Variants in SNX1 observed in about 807,000 individuals in gnomAD.
The protein encoded by SNX1 is sorting nexin 1.
Under a neutral mutation model 71.8 loss-of-function variants are expected in SNX1, and 36 were observed. That is an observed-to-expected ratio of 0.50 (90% CI 0.38 to 0.66). SNX1 has a LOEUF of 0.66. Among genes scored for constraint, SNX1 ranks in the 30% least tolerant of loss-of-function variants. The pLI is 0.00. For synonymous variants in SNX1, 254 were observed against 240.7 expected (o/e 1.06, Z -0.51); for missense variants, 612 against 646.7 (o/e 0.95, Z 0.58).
At position 64,126,239 on chromosome 15, in the gene SNX1, A is replaced by T. The variant is rs2081251095; in HGVS notation, c.652+19A>T. On this transcript the variant is annotated intron_variant, in intron 6 of 14. Coordinates refer to ENST00000559844, the MANE Select transcript of SNX1 (RefSeq NM_003099.5). ...CTCATAGGTAAGCCTGTGGTCTTTCATTCCACTTGGATTGTTTTCCTTTGC... is the reference window on the plus strand; with the variant it reads ...CTCATAGGTAAGCCTGTGGTCTTTCTTTCCACTTGGATTGTTTTCCTTTGC... 6.2e-7 allele frequency: 1 copy of T among 1,607,642 alleles called. No individual in the cohort carries two copies. Among genetic ancestry groups the T allele is most frequent in the Admixed American group, 1.7e-5 (1 of 57,552 alleles).
At chr15:64,130,184 C>G (rs558985179) in intron 9 of SNX1, 44 bp from the exon 10 acceptor site, 2 of 1,549,550 alleles carry the variant, frequency 1.3e-6, no homozygotes, top group South Asian at 2.2e-5. Flanking sequence ...TGTACTGCAC[C>G]CATAAAAGTA....
Position 64,137,508 on chromosome 15 carries a change from G to C in SNX1, c.1519-60G>C, listed in dbSNP as rs533021730. Reference sequence around the variant, plus strand: ...GGGTACTGTGCTTGATTCCTCCCAGGCTGGCTTAGGCTCTGCCACTAGGTG... The same window carrying C: ...GGGTACTGTGCTTGATTCCTCCCAGCCTGGCTTAGGCTCTGCCACTAGGTG... On this transcript the variant is annotated intron_variant, in intron 14 of 14. Coordinates refer to ENST00000559844, the MANE Select transcript of SNX1 (RefSeq NM_003099.5). 6.4e-5 allele frequency: 103 copies of C among 1,602,264 alleles called. 2 individuals are homozygous for C. The Middle Eastern group carries it at 8.9e-3, about 139-fold the overall frequency.
At chr15:64,136,188 C>G (rs2081357635) in intron 12 of SNX1, 142 bp from the exon 13 acceptor site, 1 of 672,150 alleles carries the variant, frequency 1.5e-6, no homozygotes, top group Admixed American at 2.3e-5. Context: ...GTGGAATCCT[C>G]TGTGACACCT....
Position 64,099,849 on chromosome 15 carries a change from T to G in SNX1, c.159+3677T>G, listed in dbSNP as rs538427224. On this transcript the variant is annotated intron_variant, in intron 1 of 14. Transcript: ENST00000559844. Reference sequence around the variant, plus strand: ...GCCTCAACCTCCTGAGTAGCTGGGATTACAGGCACGTACTAGCGTGCCTGG... The same window carrying G: ...GCCTCAACCTCCTGAGTAGCTGGGAGTACAGGCACGTACTAGCGTGCCTGG... Among the ~76,000 whole-genome samples, 640 of 152,278 alleles carry G rather than the reference T, an allele frequency of 4.2e-3. 3 individuals are homozygous for G. The highest frequency in any genetic ancestry group is 5.1e-3 in the Non-Finnish European group (346 of 68,016).
rs753671221 is a variant in SNX1, at chr15:64,098,474, A to G, written c.159+2302A>G. 2.6e-5 allele frequency among the ~76,000 whole-genome samples: 4 copies of G among 152,344 alleles called. No individual in the cohort carries two copies. The South Asian group carries it at 6.2e-4, about 24-fold the overall frequency. Reference sequence around the variant, plus strand: ...TTTGGGAGGCCAAGGCAAGAGGATCACTTGAGGCCAGGAATCGAGACCAGG... The same window carrying G: ...TTTGGGAGGCCAAGGCAAGAGGATCGCTTGAGGCCAGGAATCGAGACCAGG... On this transcript the variant is annotated intron_variant, in intron 1 of 14. Transcript: ENST00000559844.
chr15:64,124,655 T>C (rs1595996017), intron 5 of SNX1, among the ~76,000 whole-genome samples: 1 of 152,344 alleles, frequency 6.6e-6, no homozygotes, highest in South Asian at 2.1e-4. Context: ...CATTTTCTGC[T>C]GTCAACATGT....
At chr15:64,101,253 ACT>A (rs1436727787) in intron 1 of SNX1, among the ~76,000 whole-genome samples, 1 of 152,180 alleles carries the variant, frequency 6.6e-6, no homozygotes, top group African/African-American at 2.4e-5. Flanking sequence ...CAAATCTGAA[ACT>A]CTGTACTTAT....
chr15:64,109,085 C>A (rs1397191594), intron 1 of SNX1, among the ~76,000 whole-genome samples: 1 of 149,748 alleles, frequency 6.7e-6, no homozygotes, highest in African/African-American at 2.5e-5. Context: ...AAAATGCAGA[C>A]CTAGGGTAGG....
chr15:64,135,985 A>G (rs2081355357), intron 12 of SNX1, among the ~76,000 whole-genome samples: 1 of 152,108 alleles, frequency 6.6e-6, no homozygotes, highest in Admixed American at 6.5e-5. Flanking sequence ...TAGCTGATTC[A>G]GATATGCCTT....
Position 64,134,339 on chromosome 15 carries a change from T to C in SNX1, c.1222-325T>C, listed in dbSNP as rs2081335815. On this transcript the variant is annotated intron_variant, in intron 11 of 14. Transcript: ENST00000559844. The surrounding 1 kb of genome is among the most constrained non-coding windows in gnomAD (Gnocchi z 4.1). The stretch of plus-strand genomic sequence containing the variant: ...AGGCACTCAGGGAAAGTATGTAGCC[T>C]TATGAACTGACTGATCTGAGGGAGG... 7.9e-6 allele frequency: 2 copies of C among 254,528 alleles called. No homozygotes were observed. Among genetic ancestry groups the C allele is most frequent in the Admixed American group, 5.3e-5 (1 of 19,038 alleles). The allele number at this position is 254,528 out of a possible 1,614,324, so 15.8% of individuals were successfully genotyped here. A position where few individuals can be genotyped will look rare whatever the true frequency, so the allele number is the denominator to read the frequency against.
At chr15:64,124,432 G>A (rs1037519808) in intron 5 of SNX1, among the ~76,000 whole-genome samples, 10 of 150,428 alleles carry the variant, frequency 6.6e-5, no homozygotes, top group Admixed American at 1.3e-4. Flanking sequence ...GCGTGAACCC[G>A]GGAGGCGGAG....
intron 3 of SNX1, 31 bp from the exon 4 acceptor site, chr15:64,118,757 A>C (rs1354241077): frequency 6.4e-7 from 1 of 1,553,742 alleles, no homozygotes; most frequent in Non-Finnish European, 8.9e-7. Context: ...TTTTCATATC[A>C]ACTCTCATGA....
At position 64,138,041 on chromosome 15, in the gene SNX1, G is replaced by C. The variant is rs2081378470; in HGVS notation, c.*423G>C. 8.5e-6 allele frequency: 13 copies of C among 1,522,498 alleles called. No homozygotes were observed. The highest frequency in any genetic ancestry group is 1.0e-5 in the Non-Finnish European group (12 of 1,143,000). The allele number at this position is 1,522,498 out of a possible 1,614,324, so 94.3% of individuals were successfully genotyped here. On this transcript the variant is annotated 3_prime_UTR_variant, in exon 15 of 15. Coordinates refer to ENST00000559844, the MANE Select transcript of SNX1 (RefSeq NM_003099.5). ...TCAGAATGTTGGTGGTTTTTGCTTA[G>C]GCTGGGGAGCAGTTGGGAATCAGGT...
chr15:64,123,402 T>A (rs1595994321), intron 4 of SNX1, 101 bp from the exon 5 acceptor site: 19 of 980,632 alleles, frequency 1.9e-5, no homozygotes, highest in Non-Finnish European at 2.9e-5. Flanking sequence ...TCCCTTCTTA[T>A]CCAGGGTTCC....
intron 1 of SNX1, among the ~76,000 whole-genome samples, chr15:64,098,952 T>A (rs1424363140): frequency 1.3e-5 from 2 of 152,184 alleles, no homozygotes; most frequent in African/African-American, 4.8e-5. Flanking sequence ...TAAGCCATTT[T>A]TCAAGCTGCC....
At chr15:64,096,314 G>T (rs2080900426) in intron 1 of SNX1, 142 bp downstream of exon 1, 4 of 1,013,202 alleles carry the variant, frequency 3.9e-6, no homozygotes, top group Non-Finnish European at 5.6e-6. Flanking sequence ...GGGGACCCTG[G>T]ATGTGCTCGA....
chr15:64,137,819 A>T lies in SNX1; in HGVS notation c.*201A>T. The T allele has an allele frequency of 7.0e-7, 1 of 1,420,674 alleles. No individual in the cohort carries two copies. Among genetic ancestry groups the T allele is most frequent in the Non-Finnish European group, 9.2e-7 (1 of 1,089,348 alleles). The allele number at this position is 1,420,674 out of a possible 1,614,324, so 88.0% of individuals were successfully genotyped here. A position where few individuals can be genotyped will look rare whatever the true frequency, so the allele number is the denominator to read the frequency against. The stretch of plus-strand genomic sequence containing the variant: ...TATATATTTTCTTACCTAAGAGAAT[A>T]GTTTCCTGCTTTAAGCAAAAGACCT... On this transcript the variant is annotated 3_prime_UTR_variant, in exon 15 of 15. Coordinates refer to ENST00000559844, the MANE Select transcript of SNX1 (RefSeq NM_003099.5).
intron 1 of SNX1, among the ~76,000 whole-genome samples, chr15:64,102,956 G>A (rs530601707): frequency 3.3e-5 from 5 of 151,732 alleles, no homozygotes; most frequent in African/African-American, 4.8e-5. Flanking sequence ...TAGTAGAGAC[G>A]GGGTTTTGCC....
At chr15:64,122,684 G>T (rs2081208070) in intron 4 of SNX1, among the ~76,000 whole-genome samples, 1 of 152,080 alleles carries the variant, frequency 6.6e-6, no homozygotes, top group African/African-American at 2.4e-5. Flanking sequence ...GGTGGGGGAG[G>T]CAGGGAACAA....
Sources: allele counts gnomAD v4.1 joint callset (sites outside exome capture counted in the v4.1 genomes callset), GRCh38; gene constraint gnomAD v4.1.1; non-coding constraint Gnocchi (gnomAD v3.1); transcripts MANE v1.5; gene names NCBI Gene and HGNC (gene_info 2026-07-23, HGNC 2026-07-21).